TMEM94: variants seen among roughly 807,000 people sequenced by gnomAD.
TMEM94 encodes transmembrane protein 94.
In TMEM94, 81 loss-of-function variants were observed where a neutral mutation model predicts 158.6. The ratio of observed to expected loss-of-function variants is 0.51; its 90% confidence interval spans 0.43 to 0.61. The LOEUF (loss-of-function observed/expected upper bound fraction) is 0.61. TMEM94 is among the 20% of genes least tolerant of loss of function. The pLI, the probability that TMEM94 is intolerant of heterozygous loss-of-function variation, is 0.00. For synonymous variants in TMEM94, 751 were observed against 730.7 expected, an observed-to-expected ratio of 1.03 and a Z score of -0.45; for missense variants, 1,435 against 1,762.0, an observed-to-expected ratio of 0.81 and a Z score of 3.32.
In TMEM94 at chr17:75,494,983, C is replaced by T. The variant is rs746609802; in HGVS notation, c.2677C>T (p.Pro893Ser). Residue 893 changes from proline to serine, a missense_variant, in exon 20 of 32, where the codon CCC becomes TCC. Physicochemically the swap from Pro to Ser is moderately conservative, Grantham distance 74. Transcript: ENST00000314256. ...PNGDMPGSEI[P>S]PSSPSHAGSL... The stretch of plus-strand genomic sequence containing the variant: ...TGGTGACATGCCTGGCTCCGAGATC[C>T]CCCCCTCCAGCCCCAGCCACGCAGG... The T allele has an allele frequency of 6.2e-6, 10 of 1,613,330 alleles. No individual in the cohort carries two copies. Among genetic ancestry groups the T allele is most frequent in the Non-Finnish European group, 8.5e-6 (10 of 1,180,034 alleles).
In TMEM94 at chr17:75,466,295, ACT is replaced by A. The variant is rs531133947; in HGVS notation, c.-106-5500_-106-5499del. ...TCAATATGTGTGAATCTAGTGCTAG[ACT>A]CTCTGTTCTGTCCCATTGATTTGTA... On this transcript the variant is annotated intron_variant, in intron 1 of 31. Transcript: ENST00000314256. 9.4e-4 allele frequency among the ~76,000 whole-genome samples: 142 copies of A among 151,412 alleles called. 1 individual carries two copies. The highest frequency in any genetic ancestry group is 3.3e-3 in the African/African-American group (136 of 41,242).
intron 2 of TMEM94, among the ~76,000 whole-genome samples, chr17:75,483,387 G>C (rs1313374779): frequency 1.3e-5 from 2 of 152,104 alleles, no homozygotes; most frequent in Admixed American, 1.3e-4. Flanking sequence ...AGAGGTGATT[G>C]GGTGAGACAG....
Position 75,491,536 on chromosome 17 carries a change from T to C in TMEM94, c.1386+81T>C, listed in dbSNP as rs1415620278. On this transcript the variant is annotated intron_variant, in intron 13 of 31. Coordinates refer to ENST00000314256, the MANE Select transcript of TMEM94 (RefSeq NM_014738.6). The surrounding 1 kb of genome is among the most constrained non-coding windows in gnomAD (Gnocchi z 5.1). ...AGCCTTGGAGCCTGGCCAGGGAGGG[T>C]GAGGTTTCGGAGGGCGAAGGAGGGT... 1.2e-6 allele frequency: 2 copies of C among 1,602,690 alleles called. No homozygotes were observed. Among genetic ancestry groups the C allele is most frequent in the African/African-American group, 2.7e-5 (2 of 74,260 alleles).
chr17:75,490,994 C>T, intron 11 of TMEM94, 55 bp from the exon 12 acceptor site: 1 of 1,405,698 alleles, frequency 7.1e-7, no homozygotes, highest in Admixed American at 2.0e-5. Context: ...AGGCCGTCTC[C>T]AGGGAAATGA....
intron 16 of TMEM94, 35 bp downstream of exon 16, chr17:75,493,137 G>T (rs775165721): frequency 8.7e-6 from 14 of 1,600,690 alleles, no homozygotes; most frequent in African/African-American, 1.3e-5. Context: ...CACCAGGCGA[G>T]ACCTTCCAGA....
chr17:75,496,836 C>A, intron 25 of TMEM94, 29 bp downstream of exon 25: 1 of 1,600,802 alleles, frequency 6.2e-7, no homozygotes, highest in South Asian at 1.1e-5. Flanking sequence ...AGGCATTGCC[C>A]CCGTGCCACT....
rs1439176233 is a variant in TMEM94 at position 75,493,785 on chromosome 17, CCT to C, written c.2280_2281del (p.Gln761AlafsTer41). On this transcript the variant is annotated frameshift_variant, in exon 18 of 32. Coordinates refer to ENST00000314256, the MANE Select transcript of TMEM94 (RefSeq NM_014738.6). LOFTEE classifies it high-confidence loss of function. ...TACAAGCCCATGAACTGCGCCCTGT[CCT>C]CTCAGCTCAATGGCAAGTGCATCGA... 3.1e-6 allele frequency: 5 copies of C among 1,614,084 alleles called. No homozygotes were observed. The highest frequency in any genetic ancestry group is 4.2e-6 in the Non-Finnish European group (5 of 1,180,034).
intron 16 of TMEM94, 68 bp from the exon 17 acceptor site, chr17:75,493,423 G>T: frequency 6.8e-7 from 1 of 1,474,360 alleles, no homozygotes; most frequent in South Asian, 1.1e-5. Flanking sequence ...GGAGGACAGT[G>T]CGTTGCCTGT....
intron 9 of TMEM94, 54 bp from the exon 10 acceptor site, chr17:75,490,180 C>T: frequency 6.3e-7 from 1 of 1,597,024 alleles, no homozygotes; most frequent in Non-Finnish European, 8.5e-7. Flanking sequence ...CTTCCCTTCC[C>T]TCCTCCCCAG....
Position 75,487,884 on chromosome 17 carries a change from G to T in TMEM94, c.410-48G>T, listed in dbSNP as rs2051758219. 4 of 1,514,792 alleles carry T rather than the reference G, an allele frequency of 2.6e-6. No individual in the cohort carries two copies. The highest frequency in any genetic ancestry group is 3.7e-6 in the Non-Finnish European group (4 of 1,093,866). The allele number at this position is 1,514,792 out of a possible 1,614,324, so 93.8% of individuals were successfully genotyped here. Reference sequence around the variant, plus strand: ...AAGTGCTGCTGTATCTGACTGGGGGGCAGGGCCGTGGCTGAGAGGGTTGTT... The same window carrying T: ...AAGTGCTGCTGTATCTGACTGGGGGTCAGGGCCGTGGCTGAGAGGGTTGTT... On this transcript the variant is annotated intron_variant, in intron 5 of 31. Transcript: ENST00000314256. This position sits in a 1 kb window ranked among gnomAD's most constrained non-coding sequence, Gnocchi z 4.6.
intron 16 of TMEM94, 30 bp downstream of exon 16, chr17:75,493,132 G>A: frequency 1.9e-6 from 3 of 1,604,298 alleles, no homozygotes; most frequent in Non-Finnish European, 2.6e-6. Flanking sequence ...GCCAGCACCA[G>A]GCGAGACCTT....
chr17:75,478,061 G>T, intron 2 of TMEM94, among the ~76,000 whole-genome samples: 1 of 111,312 alleles, frequency 9.0e-6, no homozygotes, highest in East Asian at 2.6e-4. Flanking sequence ...TGTCGCCCAG[G>T]CTGGAGTGCA....
chr17:75,486,242 G>A, intron 4 of TMEM94, 48 bp from the exon 5 acceptor site: 2 of 1,609,506 alleles, frequency 1.2e-6, no homozygotes, highest in Non-Finnish European at 1.7e-6. Flanking sequence ...CTGCTGGGTG[G>A]GCGAGCCCTC....
At chr17:75,458,450 C>A (rs1048772334) in intron 1 of TMEM94, among the ~76,000 whole-genome samples, 13 of 152,036 alleles carry the variant, frequency 8.6e-5, no homozygotes, top group Admixed American at 3.9e-4. Flanking sequence ...GCCTGTAATC[C>A]CAGCACTTTG....
At chr17:75,464,676 C>CTTCTTTCTTTCTTTCTTTCT (rs376169961) in intron 1 of TMEM94, among the ~76,000 whole-genome samples, 3 of 59,950 alleles carry the variant, frequency 5.0e-5, no homozygotes, top group African/African-American at 4.2e-4. Context: ...TCCTTCCTTC[C>CTTCTTTCTTTCTTTCTTTCT]TTCTTTCTTT....
intron 2 of TMEM94, among the ~76,000 whole-genome samples, chr17:75,479,524 T>C (rs1442774367): frequency 6.7e-6 from 1 of 148,558 alleles, no homozygotes; most frequent in Non-Finnish European, 1.5e-5. Flanking sequence ...TTCACTATGT[T>C]GGCCAGGCTG....
intron 2 of TMEM94, among the ~76,000 whole-genome samples, chr17:75,474,736 T>C (rs1168798693): frequency 6.6e-6 from 1 of 152,186 alleles, no homozygotes; most frequent in Non-Finnish European, 1.5e-5. Context: ...TGGTCATTGA[T>C]GGTAGGAGGG....
At chr17:75,482,908 G>A (rs1049294146) in intron 2 of TMEM94, among the ~76,000 whole-genome samples, 18 of 152,198 alleles carry the variant, frequency 1.2e-4, no homozygotes, top group Non-Finnish European at 2.1e-4. Flanking sequence ...TTGCAGTCTG[G>A]CGGGAGAGCC....
In TMEM94 at chr17:75,496,722, G is replaced by A; in HGVS notation, c.3244-8G>A. The A allele has an allele frequency of 6.2e-7, 1 of 1,613,674 alleles. No homozygotes were observed. Among genetic ancestry groups the A allele is most frequent in the Non-Finnish European group, 8.5e-7 (1 of 1,179,868 alleles). On this transcript the variant is annotated splice_region_variant and splice_polypyrimidine_tract_variant and intron_variant, in intron 24 of 31. Transcript: ENST00000314256. ...CCCAGGCCATAATCTGTCCCTCTTG[G>A]TCCCTAGGCTCGGCATGCCACCTAT...
Sources: allele counts gnomAD v4.1 joint callset (sites outside exome capture counted in the v4.1 genomes callset), GRCh38; gene constraint gnomAD v4.1.1; non-coding constraint Gnocchi (gnomAD v3.1); transcripts MANE v1.5; gene names NCBI Gene and HGNC (gene_info 2026-07-23, HGNC 2026-07-21).